The following HECTD4 variants were observed in gnomAD, a reference collection of about 807,000 sequenced individuals.
HECTD4 encodes HECT domain E3 ubiquitin protein ligase 4, also known as probable E3 ubiquitin-protein ligase HECTD4.
In HECTD4, 114 loss-of-function variants were observed where a neutral mutation model predicts 471.5. The ratio of observed to expected loss-of-function variants is 0.24; its 90% CI spans 0.21 to 0.28. The LOEUF (loss-of-function observed/expected upper bound fraction) is 0.28. Ranked by LOEUF, HECTD4 falls within the 10% of genes least tolerant of loss-of-function variation. The pLI is 1.00. For missense variants in HECTD4, 3,866 were observed against 5,651.5 expected (o/e 0.68, Z 10.13); for synonymous variants, 2,012 against 2,256.0 (o/e 0.89, Z 3.07).
At chr12:112,370,364 C>G (rs1179813224) in intron 1 of HECTD4, among the ~76,000 whole-genome samples, 1 of 152,042 alleles carries the variant, frequency 6.6e-6, no homozygotes, top group South Asian at 2.1e-4. Context: ...CCTTAAGCCA[C>G]GAAATTTGTG....
chr12:112,208,429 G>A, intron 51 of HECTD4, 65 bp downstream of exon 51: 1 of 1,458,604 alleles, frequency 6.9e-7, no homozygotes, highest in Admixed American at 2.6e-5. Context: ...CTCCAGGCTT[G>A]TCCTAGTCAC....
chr12:112,321,542 G>T (rs1489239490), intron 1 of HECTD4, among the ~76,000 whole-genome samples: 1 of 152,158 alleles, frequency 6.6e-6, no homozygotes. Context: ...CAAAAGTAAA[G>T]AAAATTCTGC....
rs1197223566 is a variant in HECTD4, at chr12:112,173,818, A to C, written c.11595-957T>G. Reference sequence around the variant, plus strand: ...GTGCTAGGGTTTCTAAAACAAGTTCAGAAAACTTGTCCCTGCCACCATAAT... The same window carrying C: ...GTGCTAGGGTTTCTAAAACAAGTTCCGAAAACTTGTCCCTGCCACCATAAT... On this transcript the variant is annotated intron_variant, in intron 66 of 75. Coordinates refer to ENST00000682272, the MANE Select transcript of HECTD4 (RefSeq NM_001388303.1). This position sits in a 1 kb window ranked among gnomAD's most constrained non-coding sequence, Gnocchi z 4.3. Among the ~76,000 whole-genome samples the C allele has an allele frequency of 6.6e-6, 1 of 152,022 alleles. No homozygotes were observed.
intron 44 of HECTD4, among the ~76,000 whole-genome samples, chr12:112,225,536 G>A (rs977692018): frequency 8.0e-5 from 12 of 150,406 alleles, no homozygotes; most frequent in Non-Finnish European, 1.6e-4. Context: ...GAAACAAAAC[G>A]GCAAATGAAC....
At chr12:112,230,367 A>G (rs538035676) in intron 40 of HECTD4, among the ~76,000 whole-genome samples, 73 of 152,302 alleles carry the variant, frequency 4.8e-4, no homozygotes, top group African/African-American at 1.6e-3. Context: ...GTACACTTAA[A>G]TCCAATAAAC....
At chr12:112,290,398 G>C (rs115760404) in intron 7 of HECTD4, among the ~76,000 whole-genome samples, 2,297 of 152,064 alleles carry the variant, frequency 0.015, 62 homozygotes, top group African/African-American at 0.051. Context: ...GGTGGCGGGC[G>C]CCTGTGGTCC....
intron 51 of HECTD4, 114 bp from the exon 52 acceptor site, chr12:112,208,114 T>C: frequency 8.0e-7 from 1 of 1,246,208 alleles, no homozygotes; most frequent in South Asian, 1.5e-5. Context: ...ATGCCAGTAA[T>C]AGAAAGATCA....
chr12:112,355,745 C>G (rs938700537), intron 1 of HECTD4, among the ~76,000 whole-genome samples: 1 of 151,942 alleles, frequency 6.6e-6, no homozygotes, highest in Non-Finnish European at 1.5e-5. Context: ...GCCTGGGAGA[C>G]AGCGAGACTC....
chr12:112,265,335 G>A, intron 15 of HECTD4, 40 bp from the exon 16 acceptor site: 2 of 1,313,566 alleles, frequency 1.5e-6, no homozygotes, highest in Non-Finnish European at 1.1e-6. Context: ...AAATATTGAT[G>A]GTTTATTCAT....
chr12:112,242,641 G>A (rs2033666461), intron 32 of HECTD4, among the ~76,000 whole-genome samples: 1 of 151,526 alleles, frequency 6.6e-6, no homozygotes, highest in Non-Finnish European at 1.5e-5. Flanking sequence ...TGGGCACGGT[G>A]GCTCATGCCT....
At chr12:112,330,276 CAAA>C (rs34034288) in intron 1 of HECTD4, among the ~76,000 whole-genome samples, 8 of 100,680 alleles carry the variant, frequency 7.9e-5, no homozygotes, top group Admixed American at 1.9e-4. Context: ...TACTTTGTCT[CAAA>C]AAAAAAAAAA....
chr12:112,244,002 T>C lies in HECTD4; in HGVS notation c.4521A>G (p.Lys1507=). Residue 1507 remains lysine, a synonymous_variant, in exon 30 of 76, where the codon AAA becomes AAG. Transcript: ENST00000682272. ...SGTPAETPAC[K]SASETKVISH... ...ATATCACTTTTGTTTCAGAAGCTGA[T>C]TTACAAGCTAGAAAAAAAAGGAATA... 6.2e-7 allele frequency: 1 copy of C among 1,613,486 alleles called. No individual in the cohort carries two copies. Among genetic ancestry groups the C allele is most frequent in the Non-Finnish European group, 8.5e-7 (1 of 1,179,776 alleles).
chr12:112,222,960 T>G (rs561036202), intron 44 of HECTD4, among the ~76,000 whole-genome samples: 1 of 152,296 alleles, frequency 6.6e-6, no homozygotes, highest in South Asian at 2.1e-4. Context: ...TTCATGAGGC[T>G]GGGGAGGGGG....
intron 72 of HECTD4, among the ~76,000 whole-genome samples, chr12:112,164,853 C>A (rs960233582): frequency 6.6e-6 from 1 of 151,064 alleles, no homozygotes; most frequent in African/African-American, 2.4e-5. Context: ...AACTCCTGAC[C>A]TCAGGTGATC....
At chr12:112,215,788 C>T (rs966871219) in intron 48 of HECTD4, among the ~76,000 whole-genome samples, 12 of 152,080 alleles carry the variant, frequency 7.9e-5, no homozygotes, top group African/African-American at 2.7e-4. Flanking sequence ...CACAGGCATG[C>T]GCCACCACTA....
At chr12:112,339,223 T>C (rs540776709) in intron 1 of HECTD4, among the ~76,000 whole-genome samples, 7 of 151,942 alleles carry the variant, frequency 4.6e-5, no homozygotes, top group African/African-American at 9.7e-5. Context: ...GTCATAGTTA[T>C]ATAATCCAAA....
At chr12:112,240,069 C>A (rs1434342828) in intron 32 of HECTD4, 42 bp from the exon 33 acceptor site, 6 of 1,606,318 alleles carry the variant, frequency 3.7e-6, no homozygotes, top group South Asian at 2.2e-5. Flanking sequence ...TGAACCATGT[C>A]AAGAACAGTG....
intron 17 of HECTD4, chr12:112,262,104 T>G (rs2034157513): frequency 6.6e-6 from 1 of 152,140 alleles, no homozygotes; most frequent in African/African-American, 2.4e-5. Flanking sequence ...TACAATTATT[T>G]TCAGTTAAAA....
chr12:112,247,666 G>A, intron 27 of HECTD4, 116 bp from the exon 28 acceptor site: 5 of 449,960 alleles, frequency 1.1e-5, no homozygotes, highest in Non-Finnish European at 2.0e-5. Context: ...ACATTTCTAT[G>A]CTTGAAACTC....
Sources: allele counts gnomAD v4.1 joint callset (sites outside exome capture counted in the v4.1 genomes callset), GRCh38; gene constraint gnomAD v4.1.1; non-coding constraint Gnocchi (gnomAD v3.1); transcripts MANE v1.5; gene names NCBI Gene and HGNC (gene_info 2026-07-23, HGNC 2026-07-21).